The following GALNTL6 variants were observed in gnomAD, a reference collection of about 807,000 sequenced individuals.
GALNTL6 encodes polypeptide N-acetylgalactosaminyltransferase-like 6.
Under a neutral mutation model 73.7 loss-of-function variants are expected in GALNTL6, and 46 were observed. The observed-to-expected ratio is 0.62, with a 90% CI of 0.49 to 0.80. GALNTL6 has a LOEUF of 0.80. GALNTL6 is among the 30% of genes least tolerant of loss of function. The probability of loss-of-function intolerance (pLI) is 0.00; values close to 1 mark genes in which losing one functional copy is unlikely to be tolerated. For missense variants in GALNTL6, 604 were observed against 755.0 expected (o/e 0.80, Z 2.34); for synonymous variants, 259 against 263.7 (o/e 0.98, Z 0.17).
chr4:172,865,209 G>T (rs1744600505), intron 7 of GALNTL6, among the ~76,000 whole-genome samples: 1 of 152,204 alleles, frequency 6.6e-6, no homozygotes, highest in Non-Finnish European at 1.5e-5. Flanking sequence ...TGGTGCACTA[G>T]TGCACAATAA....
intron 5 of GALNTL6, among the ~76,000 whole-genome samples, chr4:172,539,621 C>G (rs759606172): frequency 6.6e-6 from 1 of 152,012 alleles, no homozygotes; most frequent in Admixed American, 6.6e-5. Flanking sequence ...AGCCAAATTG[C>G]ATAACCTTTC....
chr4:172,616,904 A>T (rs899541351), intron 5 of GALNTL6, among the ~76,000 whole-genome samples: 1 of 152,100 alleles, frequency 6.6e-6, no homozygotes, highest in Admixed American at 6.6e-5. Context: ...CTTTTACCTC[A>T]AGAAGAGCTA....
At chr4:172,154,988 A>C (rs1173730875) in intron 2 of GALNTL6, among the ~76,000 whole-genome samples, 1 of 151,468 alleles carries the variant, frequency 6.6e-6, no homozygotes, top group African/African-American at 2.4e-5. Context: ...TAAATTAATA[A>C]GGAAATCGTA....
intron 5 of GALNTL6, among the ~76,000 whole-genome samples, chr4:172,370,713 A>T (rs1605590): frequency 6.6e-6 from 1 of 150,888 alleles, no homozygotes; most frequent in Non-Finnish European, 1.5e-5. Flanking sequence ...GTGGCATCTC[A>T]TACTATCCGT....
At chr4:173,033,384 T>TC (rs1554013117) in intron 12 of GALNTL6, among the ~76,000 whole-genome samples, 5 of 30,440 alleles carry the variant, frequency 1.6e-4, no homozygotes, top group Non-Finnish European at 3.2e-4. Context: ...ATTCTAGCTG[T>TC]CAAAAAAAAA....
chr4:171,941,961 C>A (rs904507704), intron 2 of GALNTL6, among the ~76,000 whole-genome samples: 1 of 152,064 alleles, frequency 6.6e-6, no homozygotes, highest in African/African-American at 2.4e-5. Flanking sequence ...CATATAACAC[C>A]TGTATCGTAA....
At chr4:172,189,101 T>C (rs1009285080) in intron 2 of GALNTL6, among the ~76,000 whole-genome samples, 2 of 151,396 alleles carry the variant, frequency 1.3e-5, no homozygotes, top group East Asian at 3.9e-4. Context: ...AAATACTTCA[T>C]AATATTATCC....
intron 7 of GALNTL6, among the ~76,000 whole-genome samples, chr4:172,824,665 G>T (rs1742139323): frequency 6.6e-6 from 1 of 152,134 alleles, no homozygotes; most frequent in African/African-American, 2.4e-5. Context: ...TGTCTTCTCA[G>T]TGGGGCTGAT....
At chr4:172,572,272 A>G (rs935751710) in intron 5 of GALNTL6, among the ~76,000 whole-genome samples, 2 of 152,156 alleles carry the variant, frequency 1.3e-5, no homozygotes, top group Non-Finnish European at 2.9e-5. Flanking sequence ...CTGGAAGATA[A>G]TGATGATAAT....
intron 3 of GALNTL6, among the ~76,000 whole-genome samples, chr4:172,262,811 T>A (rs929579791): frequency 2.0e-4 from 31 of 151,742 alleles, no homozygotes; most frequent in African/African-American, 7.0e-4. Context: ...TAGTGCTGGC[T>A]TAGTAGTGGC....
chr4:172,308,178 G>A (rs2111137344), intron 3 of GALNTL6, among the ~76,000 whole-genome samples: 2 of 140,890 alleles, frequency 1.4e-5, no homozygotes, highest in African/African-American at 5.4e-5. Flanking sequence ...AATTTTTACT[G>A]TTTACTGGTA....
chr4:172,120,940 T>G (rs1733132700), intron 2 of GALNTL6, among the ~76,000 whole-genome samples: 1 of 152,058 alleles, frequency 6.6e-6, no homozygotes, highest in Admixed American at 6.5e-5. Context: ...TGCAGCACCT[T>G]TTCCTCTAGG....
intron 12 of GALNTL6, among the ~76,000 whole-genome samples, chr4:173,026,643 C>T (rs982887440): frequency 1.3e-5 from 2 of 152,110 alleles, no homozygotes; most frequent in Admixed American, 6.5e-5. Flanking sequence ...TGTTTGTTAG[C>T]CATTTTGGAT....
chr4:172,665,922 A>C (rs890710602), intron 5 of GALNTL6, among the ~76,000 whole-genome samples: 1 of 152,172 alleles, frequency 6.6e-6, no homozygotes, highest in Non-Finnish European at 1.5e-5. Context: ...AGACTATGCT[A>C]AGTATTTAAA....
intron 5 of GALNTL6, among the ~76,000 whole-genome samples, chr4:172,529,740 T>C (rs186820): frequency 0.99 from 149,854 of 151,888 alleles, 73,957 homozygotes; most frequent in Middle Eastern, 1. Context: ...GGATGGAGTG[T>C]AATGGTGTGA....
Position 172,963,897 on chromosome 4 carries a change from T to G in GALNTL6, c.1371+11639T>G, listed in dbSNP as rs142789243. The stretch of plus-strand genomic sequence containing the variant: ...AGCCTCTGTTCAGCAATTTCCAAAC[T>G]CTGCCTACCAGCTTCCTACTTAAAA... On this transcript the variant is annotated intron_variant, in intron 10 of 12. Coordinates refer to ENST00000506823, the MANE Select transcript of GALNTL6 (RefSeq NM_001034845.3). Among the ~76,000 whole-genome samples, 527 of 151,370 alleles carry G rather than the reference T, an allele frequency of 3.5e-3. 1 individual carries two copies. The highest frequency in any genetic ancestry group is 0.012 in the African/African-American group (508 of 40,708).
intron 2 of GALNTL6, among the ~76,000 whole-genome samples, chr4:171,987,622 A>G (rs1579034979): frequency 6.6e-6 from 1 of 152,254 alleles, no homozygotes; most frequent in East Asian, 1.9e-4. Context: ...CCTGAGGAGT[A>G]GTAGAATAGC....
At chr4:172,598,194 C>T (rs1737933595) in intron 5 of GALNTL6, among the ~76,000 whole-genome samples, 1 of 152,098 alleles carries the variant, frequency 6.6e-6, no homozygotes, top group Non-Finnish European at 1.5e-5. Flanking sequence ...TCTGCCTTTT[C>T]TGTGTGCAGT....
chr4:173,025,513 A>G (rs965685228), intron 12 of GALNTL6, among the ~76,000 whole-genome samples: 1 of 152,058 alleles, frequency 6.6e-6, no homozygotes. Context: ...CAGTCTTCAC[A>G]TCTTACCCCT....
Sources: allele counts gnomAD v4.1 joint callset (sites outside exome capture counted in the v4.1 genomes callset), GRCh38; gene constraint gnomAD v4.1.1; transcripts MANE v1.5; gene names NCBI Gene and HGNC (gene_info 2026-07-23, HGNC 2026-07-21).